ABHD3: variants seen among roughly 807,000 people sequenced by gnomAD.
ABHD3 encodes phospholipase ABHD3.
A neutral mutation model predicts 48.8 loss-of-function variants in ABHD3; 46 were observed. The ratio of observed to expected loss-of-function variants is 0.94; its 90% confidence interval spans 0.74 to 1.20. The LOEUF (loss-of-function observed/expected upper bound fraction) is 1.20. Ranked by LOEUF, ABHD3 falls within the 50% of genes most tolerant of loss-of-function variation. The pLI, the probability that ABHD3 is intolerant of heterozygous loss-of-function variation, is 0.00. For missense variants in ABHD3, 490 were observed against 497.8 expected (o/e 0.98, Z 0.15); for synonymous variants, 192 against 183.7 (o/e 1.04, Z -0.36).
Position 21,656,975 on chromosome 18 carries a change from A to G in ABHD3, c.943T>C (p.Tyr315His). The G allele has an allele frequency of 6.2e-7, 1 of 1,614,034 alleles. No homozygotes were observed. Among genetic ancestry groups the G allele is most frequent in the East Asian group, 2.2e-5 (1 of 44,856 alleles). ...GTATAATAATCATCAATTGTTTGGT[A>G]TCCAAACATGACTGAAGTGAATCGC... ...DKRFTSVMFG[Y>H]QTIDDYYTDA... The change falls in exon 8 of 9, where the codon TAC becomes CAC. Residue 315 changes from tyrosine (Y) to histidine (H), a missense_variant. Tyr to His is a moderately conservative substitution (Grantham distance 83, BLOSUM62 2). Transcript: ENST00000289119.
intron 3 of ABHD3, among the ~76,000 whole-genome samples, chr18:21,692,462 A>T (rs909374973): frequency 1.3e-5 from 2 of 152,152 alleles, no homozygotes; most frequent in African/African-American, 4.8e-5. Flanking sequence ...ATTGTAACCA[A>T]CCAAAGTGGC....
chr18:21,659,654 C>A (rs932966152), intron 5 of ABHD3, among the ~76,000 whole-genome samples: 1 of 148,062 alleles, frequency 6.8e-6, no homozygotes, highest in Admixed American at 6.7e-5. Context: ...GCTGGAATCA[C>A]CTAGAGTTTT....
intron 3 of ABHD3, among the ~76,000 whole-genome samples, chr18:21,684,872 C>T (rs1387493093): frequency 1.3e-5 from 2 of 152,242 alleles, no homozygotes; most frequent in Middle Eastern, 3.4e-3. Flanking sequence ...GAAAGATGAC[C>T]TTGTGCTTTC....
intron 4 of ABHD3, among the ~76,000 whole-genome samples, chr18:21,667,011 G>A (rs749104985): frequency 2.0e-5 from 3 of 151,950 alleles, no homozygotes; most frequent in African/African-American, 4.8e-5. Context: ...AATTAACCAT[G>A]ATCATGCTAG....
chr18:21,704,742 GAC>G lies in ABHD3; in HGVS notation c.-79_-78del, dbSNP rs1568170761. On this transcript the variant is annotated 5_prime_UTR_variant, in exon 1 of 9. Transcript: ENST00000289119. ...GAGCGGGCGAGAGCGGGCGAGAGCG[GAC>G]GCGGCGCCGCTGCCTACTCCCGACC... 130 of 1,287,894 alleles carry G rather than the reference GAC, an allele frequency of 1.0e-4. 1 individual carries two copies. The highest frequency in any genetic ancestry group is 2.1e-4 in the Admixed American group (5 of 23,664). 79.8% of individuals were successfully genotyped at this position (1,287,894 alleles called of 1,614,324 possible).
At chr18:21,701,026 T>C (rs2040501975) in intron 3 of ABHD3, among the ~76,000 whole-genome samples, 1 of 150,638 alleles carries the variant, frequency 6.6e-6, no homozygotes, top group Admixed American at 6.6e-5. Flanking sequence ...GGAATAATGA[T>C]GAATTCCTGC....
At chr18:21,664,318 C>A in intron 4 of ABHD3, 88 bp from the exon 5 acceptor site, 1 of 1,213,878 alleles carries the variant, frequency 8.2e-7, no homozygotes, top group South Asian at 1.5e-5. Flanking sequence ...AGCAAGGAGT[C>A]ATACATATGA....
chr18:21,676,189 C>A (rs1005832853), intron 4 of ABHD3, among the ~76,000 whole-genome samples: 3 of 152,154 alleles, frequency 2.0e-5, no homozygotes, highest in South Asian at 2.1e-4. Context: ...TATTTTATAG[C>A]CATCATGATG....
chr18:21,663,834 C>T (rs1275163148), intron 5 of ABHD3: 8 of 1,522,408 alleles, frequency 5.3e-6, no homozygotes, highest in Middle Eastern at 3.4e-4. Flanking sequence ...GTCAACATGG[C>T]AGCCGGTGAG....
intron 3 of ABHD3, among the ~76,000 whole-genome samples, chr18:21,690,438 C>T (rs1374232118): frequency 6.6e-6 from 1 of 151,422 alleles, no homozygotes; most frequent in Non-Finnish European, 1.5e-5. Flanking sequence ...CCCATCTCTA[C>T]TAAAAATACA....
In ABHD3 at chr18:21,657,026, C is replaced by T. The variant is rs1417564260; in HGVS notation, c.892G>A (p.Ala298Thr). 1 of 1,613,854 alleles carries T rather than the reference C, an allele frequency of 6.2e-7. No individual in the cohort carries two copies. The highest frequency in any genetic ancestry group is 1.7e-5 in the Admixed American group (1 of 59,998). Reference protein sequence around the residue: ...KQVDMDHVMKAKSIREFDKRF... With the variant: ...KQVDMDHVMKTKSIREFDKRF... ...TTATCAAACTCTCTGATGGATTTAGCCTGAAACACAAAAACAAATTATATC... is the reference window on the plus strand; with the variant it reads ...TTATCAAACTCTCTGATGGATTTAGTCTGAAACACAAAAACAAATTATATC... Residue 298 changes from alanine (A) to threonine (T), a missense_variant and splice_region_variant, in exon 8 of 9, where the codon GCT becomes ACT. Physicochemically the swap from Ala to Thr is moderately conservative, Grantham distance 58. Transcript: ENST00000289119.
intron 8 of ABHD3, among the ~76,000 whole-genome samples, 159 bp downstream of exon 8, chr18:21,656,702 T>C (rs1598508331): frequency 6.6e-6 from 1 of 152,308 alleles, no homozygotes; most frequent in Middle Eastern, 3.4e-3. Flanking sequence ...TCTGTGAAAA[T>C]ATTTAAGTGA....
intron 4 of ABHD3, chr18:21,682,248 A>G (rs1598542499): frequency 1.3e-5 from 2 of 152,258 alleles, no homozygotes; most frequent in Non-Finnish European, 2.9e-5. Context: ...CGGATTACAT[A>G]AATATTAGAT....
intron 3 of ABHD3, among the ~76,000 whole-genome samples, chr18:21,685,687 G>A (rs2040114744): frequency 1.3e-5 from 2 of 151,780 alleles, no homozygotes; most frequent in Non-Finnish European, 2.9e-5. Flanking sequence ...CACCAACACG[G>A]CTCAGCTAAT....
chr18:21,663,741 A>G, intron 5 of ABHD3: 1 of 1,535,610 alleles, frequency 6.5e-7, no homozygotes, highest in Middle Eastern at 1.7e-4. Context: ...TATTTCTGTA[A>G]CTGGAGTGAT....
chr18:21,686,672 T>C (rs2146322147), intron 3 of ABHD3, among the ~76,000 whole-genome samples: 1 of 152,290 alleles, frequency 6.6e-6, no homozygotes, highest in East Asian at 1.9e-4. Flanking sequence ...GTAGCAGTCA[T>C]CATTGTATAC....
rs148780581 is a variant in ABHD3, at chr18:21,675,621, G to A, written c.555+8299C>T. ...AGGATTTGTGGACCTCTGAAGTAGAGCCATTCAAAATGCCAGTTCAGGATA... is the reference window on the plus strand; with the variant it reads ...AGGATTTGTGGACCTCTGAAGTAGAACCATTCAAAATGCCAGTTCAGGATA... On this transcript the variant is annotated intron_variant, in intron 4 of 8. Coordinates refer to ENST00000289119, the MANE Select transcript of ABHD3 (RefSeq NM_138340.5). Among the ~76,000 whole-genome samples, 257 of 152,026 alleles carry A rather than the reference G, an allele frequency of 1.7e-3. 2 individuals carry two copies. The highest frequency in any genetic ancestry group is 6.0e-3 in the African/African-American group (248 of 41,464).
At chr18:21,680,402 A>G (rs1266085943) in intron 4 of ABHD3, among the ~76,000 whole-genome samples, 1 of 152,234 alleles carries the variant, frequency 6.6e-6, no homozygotes, top group Non-Finnish European at 1.5e-5. Context: ...AAAGAGAAAC[A>G]GAAAGGTTAT....
chr18:21,657,260 G>T, intron 6 of ABHD3, 108 bp from the exon 7 acceptor site: 1 of 925,524 alleles, frequency 1.1e-6, no homozygotes, highest in Non-Finnish European at 1.6e-6. Flanking sequence ...GCACAAAGTT[G>T]GCACTCAATA....
Sources: allele counts gnomAD v4.1 joint callset (sites outside exome capture counted in the v4.1 genomes callset), GRCh38; gene constraint gnomAD v4.1.1; transcripts MANE v1.5; gene names NCBI Gene and HGNC (gene_info 2026-07-23, HGNC 2026-07-21).